Variants in ACSF3 observed in about 807,000 individuals in gnomAD.
ACSF3 encodes the protein malonate--CoA ligase ACSF3, mitochondrial.
A neutral mutation model predicts 53.2 loss-of-function variants in ACSF3; 78 were observed. The ratio of observed to expected loss-of-function variants is 1.47; its 90% CI spans 1.22 to 1.77. The LOEUF (loss-of-function observed/expected upper bound fraction) is 1.77, where lower values mean the gene tolerates loss of function less well. Ranked by LOEUF, ACSF3 falls within the 40% of genes most tolerant of loss-of-function variation. The pLI is 0.00. For missense variants in ACSF3, 937 were observed against 771.1 expected, an observed-to-expected ratio of 1.22 and a Z score of -2.55; for synonymous variants, 414 against 333.1, an observed-to-expected ratio of 1.24 and a Z score of -2.65.
chr16:89,094,170 G>A (rs960630310), intron 1 of ACSF3, among the ~76,000 whole-genome samples, 174 bp downstream of exon 1: 6 of 151,576 alleles, frequency 4.0e-5, no homozygotes, highest in African/African-American at 1.5e-4. Context: ...CCGGGACGCC[G>A]AGCCTCTCGT....
intron 7 of ACSF3, among the ~76,000 whole-genome samples, chr16:89,132,051 G>A (rs1909437527): frequency 6.6e-6 from 1 of 152,282 alleles, no homozygotes; most frequent in African/African-American, 2.4e-5. Context: ...CAGGCTGGCG[G>A]GTTGGCAGCA....
rs528481601 is a variant in ACSF3 at position 89,105,265 on chromosome 16, C to T, written c.822+2506C>T. ...GCTGCCTCATCTGCGTGGTCCATCCCGGAGACATCTGCCTGGCGCTCTGCT... is the reference window on the plus strand; with the variant it reads ...GCTGCCTCATCTGCGTGGTCCATCCTGGAGACATCTGCCTGGCGCTCTGCT... On this transcript the variant is annotated intron_variant, in intron 4 of 10. Transcript: ENST00000614302. 5.3e-5 allele frequency among the ~76,000 whole-genome samples: 8 copies of T among 152,308 alleles called. No homozygotes were observed. The South Asian group carries it at 1.5e-3, about 28-fold the overall frequency.
At position 89,100,710 on chromosome 16, in the gene ACSF3, G is replaced by T. The variant is rs751551226; in HGVS notation, c.29G>T (p.Arg10Leu). 6.3e-7 allele frequency: 1 copy of T among 1,596,672 alleles called. No individual in the cohort carries two copies. The highest frequency in any genetic ancestry group is 1.1e-5 in the South Asian group (1 of 90,884). Residue 10 changes from arginine (R) to leucine (L), a missense_variant, in exon 3 of 11, where the codon CGG (arginine) becomes CTG (leucine). By Grantham distance (102) the Arg-to-Leu change is moderately radical. Coordinates refer to ENST00000614302, the MANE Select transcript of ACSF3 (RefSeq NM_001243279.3). Reference sequence around the variant, plus strand: ...CTGCCCCATGTGGTGCTCACCTTCCGGCGCCTGGGCTGCGCCTTGGCGTCC... The same window carrying T: ...CTGCCCCATGTGGTGCTCACCTTCCTGCGCCTGGGCTGCGCCTTGGCGTCC... MLPHVVLTF[R>L]RLGCALASCR... is the part of the protein sequence containing the mutation.
chr16:89,102,100 C>T (rs989031642), intron 3 of ACSF3, among the ~76,000 whole-genome samples: 2 of 152,224 alleles, frequency 1.3e-5, no homozygotes, highest in African/African-American at 2.4e-5. Context: ...TTCAGTGGGC[C>T]GTGCCTCACG....
intron 7 of ACSF3, among the ~76,000 whole-genome samples, chr16:89,126,091 T>G (rs1484767574): frequency 6.6e-6 from 1 of 152,270 alleles, no homozygotes; most frequent in Non-Finnish European, 1.5e-5. Context: ...GTGAACATGG[T>G]GTGTCTCTCC....
chr16:89,136,767 A>T lies in ACSF3; in HGVS notation c.1366+3505A>T, dbSNP rs186825794. 4.4e-5 allele frequency: 56 copies of T among 1,287,218 alleles called. No individual in the cohort carries two copies. The African/African-American group carries it at 5.6e-4, about 13-fold the overall frequency. The allele number at this position is 1,287,218 out of a possible 1,614,324, so 79.7% of individuals were successfully genotyped here. A position where few individuals can be genotyped will look rare whatever the true frequency, so the allele number is the denominator to read the frequency against. ...GCCCGCTTCTGCCTCAAGATCACACAGCGGGCTTGTGAGGCCAGGGGTCTC... is the reference window on the plus strand; with the variant it reads ...GCCCGCTTCTGCCTCAAGATCACACTGCGGGCTTGTGAGGCCAGGGGTCTC... On this transcript the variant is annotated intron_variant, in intron 8 of 10. Coordinates refer to ENST00000614302, the MANE Select transcript of ACSF3 (RefSeq NM_001243279.3).
chr16:89,154,119 C>T lies in ACSF3; in HGVS notation c.1643C>T (p.Ser548Leu), dbSNP rs139520739. The T allele has an allele frequency of 1.6e-4, 255 of 1,613,262 alleles. 1 individual carries two copies. In the Middle Eastern group the frequency reaches 1.8e-3, roughly 11 times the overall value. The change falls in exon 11 of 11, where the codon TCG becomes TTG. Residue 548 changes from serine to leucine, a missense_variant. Ser to Leu is a moderately radical substitution (Grantham distance 145, BLOSUM62 -2). Coordinates refer to ENST00000614302, the MANE Select transcript of ACSF3 (RefSeq NM_001243279.3). ...RNVLAPYAVPSELVLVEEIPR... is the reference protein window; with the variant it reads ...RNVLAPYAVPLELVLVEEIPR... ...GTCCTGGCCCCGTACGCGGTGCCCT[C>T]GGAGCTGGTGCTGGTGGAGGAGATC...
intron 1 of ACSF3, among the ~76,000 whole-genome samples, chr16:89,094,624 G>T (rs145855009): frequency 0.029 from 4,409 of 152,320 alleles, 109 homozygotes; most frequent in Admixed American, 0.06. Context: ...CAGGTGCAGT[G>T]GCTCATGCCT....
At position 89,098,747 on chromosome 16, in the gene ACSF3, T is replaced by C; in HGVS notation, c.-37T>C. The C allele has an allele frequency of 2.2e-6, 1 of 454,180 alleles. No homozygotes were observed. The highest frequency in any genetic ancestry group is 4.4e-6 in the Non-Finnish European group (1 of 226,800). 28.1% of individuals were successfully genotyped at this position (454,180 alleles called of 1,614,324 possible). On this transcript the variant is annotated 5_prime_UTR_variant, in exon 2 of 11. Transcript: ENST00000614302. ...TGCGAACTTCCCCTTACCTCCTCTC[T>C]CTGGCTCGGGAGCTGGGTGAGTTTG...
In ACSF3 at chr16:89,145,922, G is replaced by A; in HGVS notation, c.1502-16G>A. 1 of 1,609,912 alleles carries A rather than the reference G, an allele frequency of 6.2e-7. No individual in the cohort carries two copies. Among genetic ancestry groups the A allele is most frequent in the Non-Finnish European group, 8.5e-7 (1 of 1,176,110 alleles). ...TGAGGCATCCCCATGTTCTCAAACT[G>A]TTCTTCTATCCGCAGATGTGGCTGT... On this transcript the variant is annotated splice_polypyrimidine_tract_variant and intron_variant, in intron 9 of 10. Coordinates refer to ENST00000614302, the MANE Select transcript of ACSF3 (RefSeq NM_001243279.3).
intron 7 of ACSF3, among the ~76,000 whole-genome samples, chr16:89,129,170 G>T (rs1203649462): frequency 6.6e-6 from 1 of 152,116 alleles, no homozygotes; most frequent in Non-Finnish European, 1.5e-5. Context: ...TTAGATGAAG[G>T]TGTTTGATCG....
chr16:89,121,802 G>A (rs1163032692), intron 7 of ACSF3, among the ~76,000 whole-genome samples: 1 of 152,344 alleles, frequency 6.6e-6, no homozygotes, highest in South Asian at 2.1e-4. Flanking sequence ...ACAGCCACAC[G>A]CCCTCCTTGT....
At chr16:89,129,745 C>T (rs992983076) in intron 7 of ACSF3, among the ~76,000 whole-genome samples, 1 of 152,084 alleles carries the variant, frequency 6.6e-6, no homozygotes, top group African/African-American at 2.4e-5. Flanking sequence ...TAATTTGTCT[C>T]TTAAGTTTTT....
intron 2 of ACSF3, among the ~76,000 whole-genome samples, chr16:89,099,918 C>T (rs1384433883): frequency 6.6e-6 from 1 of 151,962 alleles, no homozygotes; most frequent in South Asian, 2.1e-4. Flanking sequence ...ATGGCTTACA[C>T]CTGCCATAAC....
At chr16:89,137,271 G>C (rs1397351891) in intron 8 of ACSF3, among the ~76,000 whole-genome samples, 1 of 151,532 alleles carries the variant, frequency 6.6e-6, no homozygotes, top group African/African-American at 2.4e-5. Flanking sequence ...AAGGACTGAG[G>C]GGAAGAGCCC....
chr16:89,128,397 A>C (rs551427575), intron 7 of ACSF3, among the ~76,000 whole-genome samples: 1 of 151,850 alleles, frequency 6.6e-6, no homozygotes, highest in Admixed American at 6.6e-5. Flanking sequence ...AGTAGCTGGG[A>C]GTATAGGCAT....
Position 89,142,565 on chromosome 16 carries a change from GCAGACACAC to G in ACSF3, c.1367-2700_1367-2692del, listed in dbSNP as rs1276518105. On this transcript the variant is annotated intron_variant, in intron 8 of 10. Transcript: ENST00000614302. Reference sequence around the variant, plus strand: ...CACACCTGCAGACACACCCACACCTGCAGACACACCCACACCTGCAGAGACACAGCCACA... The same window carrying G: ...CACACCTGCAGACACACCCACACCTGCCACACCTGCAGAGACACAGCCACA... Among the ~76,000 whole-genome samples the G allele has an allele frequency of 2.8e-4, 39 of 140,444 alleles. No homozygotes were observed. In the East Asian group the frequency reaches 7.8e-3, roughly 28 times the overall value. 92.1% of individuals were successfully genotyped at this position (140,444 alleles called of 152,430 possible). A position where few individuals can be genotyped will look rare whatever the true frequency, so the allele number is the denominator to read the frequency against.
chr16:89,123,892 CAT>C (rs1198904989), intron 7 of ACSF3, among the ~76,000 whole-genome samples: 1 of 152,192 alleles, frequency 6.6e-6, no homozygotes, highest in Non-Finnish European at 1.5e-5. Flanking sequence ...CATCCTGTGA[CAT>C]ATCACAGGTA....
At chr16:89,099,079 C>T (rs764437593) in intron 2 of ACSF3, among the ~76,000 whole-genome samples, 2 of 152,230 alleles carry the variant, frequency 1.3e-5, no homozygotes, top group Non-Finnish European at 2.9e-5. Flanking sequence ...TACTGTGAGT[C>T]GAGCAAAGCT....
Sources: gnomAD v4.1 joint callset for allele counts (sites outside exome capture counted in the v4.1 genomes callset) on GRCh38, gnomAD v4.1.1 for gene constraint, MANE v1.5 for transcripts, NCBI Gene and HGNC (gene_info 2026-07-23, HGNC 2026-07-21) for gene names.